Variants in DCAF8 observed in about 807,000 individuals in gnomAD.
The protein encoded by DCAF8 is DDB1- and CUL4-associated factor 8.
DCAF8 carries 20 observed loss-of-function variants against 68.0 expected under a neutral mutation model. The ratio of observed to expected loss-of-function variants is 0.29; its 90% confidence interval spans 0.21 to 0.43. The LOEUF (loss-of-function observed/expected upper bound fraction) is 0.43, where lower values mean the gene tolerates loss of function less well. DCAF8 is among the 20% of genes least tolerant of loss of function. The probability of loss-of-function intolerance (pLI) is 1.00; values close to 1 mark genes in which losing one functional copy is unlikely to be tolerated. For synonymous variants in DCAF8, 230 were observed against 276.9 expected (o/e 0.83, Z 1.68); for missense variants, 460 against 771.0 (o/e 0.60, Z 4.78).
At chr1:160,221,263 C>G (rs893522651) in intron 11 of DCAF8, 4 of 152,278 alleles carry the variant, frequency 2.6e-5, no homozygotes. Flanking sequence ...TCACTGGCCC[C>G]TTCTGACTTC....
At chr1:160,223,812 C>G (rs1481037246) in intron 10 of DCAF8, among the ~76,000 whole-genome samples, 1 of 152,174 alleles carries the variant, frequency 6.6e-6, no homozygotes, top group Non-Finnish European at 1.5e-5. Context: ...GTGGGAAGAT[C>G]ACCTGAGCCC....
intron 2 of DCAF8, among the ~76,000 whole-genome samples, chr1:160,257,174 C>T (rs1162969425): frequency 1.3e-5 from 2 of 151,944 alleles, no homozygotes; most frequent in African/African-American, 4.8e-5. Context: ...AAGTCACTAC[C>T]CCATGCCTAT....
chr1:160,245,463 C>T (rs1405274147), intron 2 of DCAF8, among the ~76,000 whole-genome samples: 3 of 152,170 alleles, frequency 2.0e-5, no homozygotes, highest in African/African-American at 7.2e-5. Context: ...TCTTTTCCTC[C>T]GCTACCCTCT....
intron 5 of DCAF8, among the ~76,000 whole-genome samples, 165 bp downstream of exon 5, chr1:160,238,442 G>C (rs1276608424): frequency 6.6e-6 from 1 of 152,192 alleles, no homozygotes; most frequent in Non-Finnish European, 1.5e-5. Context: ...TAGGAGTTTA[G>C]GGTGGCTGCT....
chr1:160,218,567 G>A, intron 12 of DCAF8, 127 bp from the exon 13 acceptor site: 1 of 818,534 alleles, frequency 1.2e-6, no homozygotes. Context: ...ATTAGATTAG[G>A]AAATGATGCC....
chr1:160,225,683 G>A lies in DCAF8; in HGVS notation c.1071-20C>T, dbSNP rs376966116. The A allele has an allele frequency of 3.5e-5, 56 of 1,604,204 alleles. No homozygotes were observed. The highest frequency in any genetic ancestry group is 4.8e-5 in the Non-Finnish European group (56 of 1,172,318). ...TAAATCCTACAGTTGGAAAAGCAAT[G>A]AAAATGTAAAAATGTACAAACGAAA... On this transcript the variant is annotated intron_variant, in intron 7 of 13. Transcript: ENST00000368074.
rs192156024 is a variant in DCAF8, at chr1:160,221,605, G to C, written c.1440+1046C>G. ...ACTCTCTGAAAAAACCTCATCAAGA[G>C]ATGGCTAGGCTCTTTGAAGTTCCCC... On this transcript the variant is annotated intron_variant, in intron 11 of 13. Transcript: ENST00000368074. Among the ~76,000 whole-genome samples the C allele has an allele frequency of 5.3e-5, 8 of 152,198 alleles. No individual in the cohort carries two copies. In the East Asian group the frequency reaches 1.5e-3, roughly 29 times the overall value.
At chr1:160,235,254 C>T (rs892813199) in intron 6 of DCAF8, among the ~76,000 whole-genome samples, 9 of 151,906 alleles carry the variant, frequency 5.9e-5, no homozygotes, top group African/African-American at 1.2e-4. Flanking sequence ...CTGTCTCAGC[C>T]TCCTGAGTAG....
At chr1:160,228,174 G>A (rs1379017955) in intron 7 of DCAF8, among the ~76,000 whole-genome samples, 3 of 150,832 alleles carry the variant, frequency 2.0e-5, no homozygotes, top group East Asian at 3.9e-4. Context: ...CTATCCTCCA[G>A]CTTTGGCCTT....
intron 2 of DCAF8, among the ~76,000 whole-genome samples, chr1:160,250,943 T>C (rs1656564607): frequency 6.6e-6 from 1 of 152,152 alleles, no homozygotes; most frequent in African/African-American, 2.4e-5. Context: ...TTGAGCCCGA[T>C]CGAAACATCA....
At chr1:160,225,153 ACCC>A in intron 8 of DCAF8, 34 bp from the exon 9 acceptor site, 2 of 1,574,114 alleles carry the variant, frequency 1.3e-6, no homozygotes, top group Non-Finnish European at 1.7e-6. Flanking sequence ...CTGATGCCCC[ACCC>A]CCCCATTTGT....
chr1:160,225,144 T>C (rs772014901), intron 8 of DCAF8, 25 bp from the exon 9 acceptor site: 13 of 1,609,846 alleles, frequency 8.1e-6, no homozygotes, highest in Non-Finnish European at 1.1e-5. Context: ...AGATACTGAC[T>C]GATGCCCCAC....
intron 5 of DCAF8, among the ~76,000 whole-genome samples, chr1:160,238,087 T>C (rs1233116273): frequency 2.0e-5 from 3 of 152,226 alleles, no homozygotes; most frequent in African/African-American, 7.2e-5. Context: ...CCTCTTTTCA[T>C]GGCACAAAAG....
chr1:160,238,805 A>T, intron 4 of DCAF8, 58 bp from the exon 5 acceptor site: 1 of 1,496,750 alleles, frequency 6.7e-7, no homozygotes, highest in Admixed American at 2.3e-5. Context: ...GGTAAACTTG[A>T]GAATAAAAAA....
At position 160,218,313 on chromosome 1, in the gene DCAF8, C is replaced by T. The variant is rs1392017596; in HGVS notation, c.1677+11G>A. ...CACTCCCTTGGGAATTCATTTCCAA[C>T]CCTAGCTTACCCGGTGATGGCGTCT... On this transcript the variant is annotated intron_variant, in intron 13 of 13. Coordinates refer to ENST00000368074, the MANE Select transcript of DCAF8 (RefSeq NM_015726.4). The T allele has an allele frequency of 1.2e-6, 2 of 1,608,716 alleles. No homozygotes were observed. The highest frequency in any genetic ancestry group is 1.7e-6 in the Non-Finnish European group (2 of 1,175,076).
intron 3 of DCAF8, among the ~76,000 whole-genome samples, chr1:160,241,408 A>G (rs1656110796): frequency 6.6e-6 from 1 of 152,256 alleles, no homozygotes; most frequent in Admixed American, 6.5e-5. Context: ...CATATATAAA[A>G]TTGATAAAAA....
At chr1:160,229,651 G>A (rs760499214) in intron 7 of DCAF8, among the ~76,000 whole-genome samples, 2 of 152,178 alleles carry the variant, frequency 1.3e-5, no homozygotes, top group Non-Finnish European at 2.9e-5. Context: ...TTCAGTGAAT[G>A]CTCAACTTGG....
At chr1:160,257,973 C>G (rs1218988907) in intron 2 of DCAF8, among the ~76,000 whole-genome samples, 1 of 152,190 alleles carries the variant, frequency 6.6e-6, no homozygotes, top group Non-Finnish European at 1.5e-5. Context: ...AAGTGATCCT[C>G]CCACCTTGGC....
At chr1:160,232,853 T>C (rs552100795) in intron 6 of DCAF8, among the ~76,000 whole-genome samples, 37 of 152,242 alleles carry the variant, frequency 2.4e-4, no homozygotes, top group African/African-American at 8.7e-4. Flanking sequence ...GCTTAAAATA[T>C]GCACACTGAA....
Sources: gnomAD v4.1 joint callset for allele counts (sites outside exome capture counted in the v4.1 genomes callset) on GRCh38, gnomAD v4.1.1 for gene constraint, MANE v1.5 for transcripts, NCBI Gene and HGNC (gene_info 2026-07-23, HGNC 2026-07-21) for gene names.